Variants in SHANK2 observed in about 807,000 individuals in gnomAD.
SHANK2 encodes SH3 and multiple ankyrin repeat domains protein 2.
In SHANK2, 43 loss-of-function variants were observed where a neutral mutation model predicts 133.7. The observed-to-expected ratio is 0.32, with a 90% CI of 0.25 to 0.41. The LOEUF (loss-of-function observed/expected upper bound fraction) is 0.41. SHANK2 is among the 10% of genes least tolerant of loss of function. SHANK2 has a pLI of 1.00. For missense variants in SHANK2, 1,994 were observed against 2,235.8 expected, an observed-to-expected ratio of 0.89 and a Z score of 2.18; for synonymous variants, 1,017 against 952.8, an observed-to-expected ratio of 1.07 and a Z score of -1.24.
At chr11:70,927,764 C>T (rs1364778462) in intron 10 of SHANK2, among the ~76,000 whole-genome samples, 3 of 152,110 alleles carry the variant, frequency 2.0e-5, no homozygotes, top group Non-Finnish European at 4.4e-5. Context: ...GAGAATGTTC[C>T]TGGATCAGCA....
chr11:70,916,909 G>A (rs981616839), intron 10 of SHANK2, among the ~76,000 whole-genome samples: 6 of 152,168 alleles, frequency 3.9e-5, no homozygotes, highest in African/African-American at 2.4e-5. Context: ...CGGTACCTGC[G>A]ACCTTAAGCA....
At chr11:70,765,162 A>G (rs75863649) in intron 14 of SHANK2, among the ~76,000 whole-genome samples, 1,575 of 152,276 alleles carry the variant, frequency 0.01, 24 homozygotes, top group African/African-American at 0.036. Flanking sequence ...CTGGGGAAAC[A>G]TTATAGCCCA....
intron 14 of SHANK2, among the ~76,000 whole-genome samples, chr11:70,756,228 G>C (rs1946870674): frequency 2.0e-5 from 3 of 152,286 alleles, no homozygotes; most frequent in African/African-American, 7.2e-5. Context: ...CTCCAGCCAG[G>C]GAAAGCTCCC....
intron 17 of SHANK2, among the ~76,000 whole-genome samples, chr11:70,606,679 T>A (rs551275508): frequency 6.6e-6 from 1 of 152,148 alleles, no homozygotes; most frequent in African/African-American, 2.4e-5. Context: ...CCTGTGGTCA[T>A]CCTCACCATT....
intron 17 of SHANK2, among the ~76,000 whole-genome samples, chr11:70,600,434 A>AAG (rs560116412): frequency 1.4e-4 from 21 of 149,498 alleles, no homozygotes; most frequent in Non-Finnish European, 2.5e-4. Flanking sequence ...AAAAAAAAAA[A>AAG]AAAGAAAAGA....
At chr11:70,928,602 T>A (rs1555082013) in intron 10 of SHANK2, among the ~76,000 whole-genome samples, 1 of 151,984 alleles carries the variant, frequency 6.6e-6, no homozygotes, top group African/African-American at 2.4e-5. Context: ...TCAAAGCAGA[T>A]CCCTGGGGGG....
chr11:70,955,423 GT>G (rs1950905505), intron 10 of SHANK2, among the ~76,000 whole-genome samples: 42 of 304 alleles, frequency 0.14, no homozygotes, highest in Admixed American at 0.33. Context: ...GACCCACGGG[GT>G]GTGTGTGTGT....
chr11:70,481,153 C>G (rs559023798), intron 25 of SHANK2, among the ~76,000 whole-genome samples: 1 of 152,360 alleles, frequency 6.6e-6, no homozygotes, highest in South Asian at 2.1e-4. Flanking sequence ...CGCCTCCATT[C>G]TTGGCAGGGT....
intron 3 of SHANK2, among the ~76,000 whole-genome samples, chr11:71,142,776 T>C (rs1420251842): frequency 1.3e-5 from 2 of 151,584 alleles, no homozygotes; most frequent in Non-Finnish European, 2.9e-5. Flanking sequence ...CACTTCCTGG[T>C]GTAGCAACGG....
chr11:70,934,902 C>T (rs1410918418), intron 10 of SHANK2, among the ~76,000 whole-genome samples: 5 of 151,940 alleles, frequency 3.3e-5, no homozygotes, highest in African/African-American at 9.7e-5. Flanking sequence ...TGCCGGGGAC[C>T]GCGATGCAAA....
chr11:70,554,394 T>C (rs2059804490), intron 17 of SHANK2, among the ~76,000 whole-genome samples: 2 of 152,222 alleles, frequency 1.3e-5, no homozygotes, highest in South Asian at 4.1e-4. Context: ...TCTCGGATAA[T>C]GGGTTCCCCT....
intron 6 of SHANK2, among the ~76,000 whole-genome samples, chr11:71,107,546 A>G (rs1398703387): frequency 1.3e-5 from 2 of 152,192 alleles, no homozygotes; most frequent in Non-Finnish European, 2.9e-5. Context: ...CAGGTTCCCG[A>G]GCCTTTTCTA....
chr11:71,248,786 C>T (rs1296379232), intron 1 of SHANK2, among the ~76,000 whole-genome samples: 1 of 152,132 alleles, frequency 6.6e-6, no homozygotes, highest in Admixed American at 6.5e-5. Flanking sequence ...AGACCTCTTC[C>T]AAGGGTTTGT....
At chr11:70,888,151 G>C (rs191945330) in intron 11 of SHANK2, among the ~76,000 whole-genome samples, 1 of 152,186 alleles carries the variant, frequency 6.6e-6, no homozygotes, top group South Asian at 2.1e-4. Flanking sequence ...GCCAGGAACG[G>C]ACAAAAGATT....
At chr11:70,863,572 G>A (rs1949298734) in intron 11 of SHANK2, 1 of 457,484 alleles carries the variant, frequency 2.2e-6, no homozygotes, top group Non-Finnish European at 4.4e-6. Flanking sequence ...GTACAATTTA[G>A]AGTCTAAAAT....
At chr11:70,572,082 C>A (rs1554983199) in intron 17 of SHANK2, among the ~76,000 whole-genome samples, 1 of 152,228 alleles carries the variant, frequency 6.6e-6, no homozygotes, top group Non-Finnish European at 1.5e-5. Context: ...ATCTCCACAC[C>A]AGGGACAGGC....
At chr11:70,912,079 C>CAAAA (rs536602235) in intron 10 of SHANK2, among the ~76,000 whole-genome samples, 1 of 81,228 alleles carries the variant, frequency 1.2e-5, no homozygotes, top group African/African-American at 4.6e-5. Context: ...GAGACTCTGT[C>CAAAA]AAAAAAAAAA....
intron 17 of SHANK2, among the ~76,000 whole-genome samples, chr11:70,543,515 G>T (rs1565115234): frequency 6.6e-6 from 1 of 152,214 alleles, no homozygotes; most frequent in Non-Finnish European, 1.5e-5. Context: ...AAAAGGACAG[G>T]GTTTGGAGGA....
chr11:70,554,235 C>T (rs2136096991), intron 17 of SHANK2, among the ~76,000 whole-genome samples: 1 of 152,314 alleles, frequency 6.6e-6, no homozygotes, highest in South Asian at 2.1e-4. Context: ...CTAGAACATT[C>T]CATTCCCCTC....
Sources: gnomAD v4.1 joint callset for allele counts (sites outside exome capture counted in the v4.1 genomes callset) on GRCh38, gnomAD v4.1.1 for gene constraint, MANE v1.5 for transcripts, NCBI Gene and HGNC (gene_info 2026-07-23, HGNC 2026-07-21) for gene names.